Variants in FOXN3 observed in about 807,000 individuals in gnomAD.
FOXN3 encodes the protein forkhead box N3.
In FOXN3, 7 loss-of-function variants were observed where a neutral mutation model predicts 38.4. The ratio of observed to expected loss-of-function variants is 0.18; its 90% CI spans 0.10 to 0.34. The LOEUF is 0.34. Among genes scored for constraint, FOXN3 ranks in the 10% least tolerant of loss-of-function variants. The pLI is 1.00. For synonymous variants in FOXN3, 230 were observed against 242.2 expected (o/e 0.95, Z 0.47); for missense variants, 456 against 613.4 (o/e 0.74, Z 2.71).
chr14:89,380,481 A>T (rs982137205), intron 2 of FOXN3, among the ~76,000 whole-genome samples: 1 of 152,242 alleles, frequency 6.6e-6, no homozygotes, highest in South Asian at 2.1e-4. Flanking sequence ...AACATCAAAC[A>T]GCAGTCAAGC....
At chr14:89,264,448 T>C (rs1024492115) in intron 4 of FOXN3, among the ~76,000 whole-genome samples, 1 of 152,064 alleles carries the variant, frequency 6.6e-6, no homozygotes, top group Non-Finnish European at 1.5e-5. Flanking sequence ...GATTCAATTA[T>C]CTCCCATGGG....
chr14:89,222,339 G>A (rs753782931), intron 4 of FOXN3, among the ~76,000 whole-genome samples: 1 of 152,144 alleles, frequency 6.6e-6, no homozygotes, highest in Non-Finnish European at 1.5e-5. Flanking sequence ...GGAAATACAT[G>A]AAAATTATGC....
In FOXN3 at chr14:89,393,885, A is replaced by C. The variant is rs559313336; in HGVS notation, c.543+18049T>G. On this transcript the variant is annotated intron_variant, in intron 2 of 5. Transcript: ENST00000557258. Reference sequence around the variant, plus strand: ...GTGGGGACAAGGGAAGATCACAAGTACATTTCATAGCCCCCTGACTTCATT... The same window carrying C: ...GTGGGGACAAGGGAAGATCACAAGTCCATTTCATAGCCCCCTGACTTCATT... Among the ~76,000 whole-genome samples, 9 of 152,318 alleles carry C rather than the reference A, an allele frequency of 5.9e-5. No individual in the cohort carries two copies. The South Asian group carries it at 1.9e-3, about 32-fold the overall frequency.
chr14:89,419,671 A>T (rs543464991), upstream of FOXN3: 1 of 153,754 alleles, frequency 6.5e-6, no homozygotes, highest in Non-Finnish European at 1.5e-5. Flanking sequence ...TTCCAGGCTT[A>T]TCTGCCCCCA....
intron 4 of FOXN3, among the ~76,000 whole-genome samples, chr14:89,232,958 C>CA (rs1164720838): frequency 6.6e-6 from 1 of 152,196 alleles, no homozygotes; most frequent in Non-Finnish European, 1.5e-5. Flanking sequence ...ACCCAAGAAA[C>CA]AGTCATAGTA....
intron 3 of FOXN3, among the ~76,000 whole-genome samples, chr14:89,330,265 A>G (rs190126952): frequency 5.8e-4 from 89 of 152,354 alleles, no homozygotes; most frequent in African/African-American, 2.1e-3. Flanking sequence ...CAATGCCCTC[A>G]AATAGAGCCA....
chr14:89,592,705 C>T (rs1895983149), intron 1 of FOXN3, among the ~76,000 whole-genome samples: 1 of 152,174 alleles, frequency 6.6e-6, no homozygotes, highest in Non-Finnish European at 1.5e-5. Context: ...GAAAATTCAC[C>T]TCCTGTGCTC....
At chr14:89,467,005 G>C (rs570853931) in intron 1 of FOXN3, among the ~76,000 whole-genome samples, 3 of 152,222 alleles carry the variant, frequency 2.0e-5, no homozygotes, top group Non-Finnish European at 4.4e-5. Context: ...CAAAAGCAGC[G>C]TTAGCTTTCG....
chr14:89,542,237 T>C (rs975351973), intron 1 of FOXN3, among the ~76,000 whole-genome samples: 1 of 152,220 alleles, frequency 6.6e-6, no homozygotes, highest in African/African-American at 2.4e-5. Context: ...CAAGAATCGA[T>C]ATTATTATCT....
At chr14:89,378,842 G>T (rs1202429373) in intron 2 of FOXN3, among the ~76,000 whole-genome samples, 1 of 152,022 alleles carries the variant, frequency 6.6e-6, no homozygotes, top group Non-Finnish European at 1.5e-5. Context: ...GAGTACCTGG[G>T]ATTACAGGCA....
At chr14:89,316,498 G>A (rs1459302253) in intron 3 of FOXN3, among the ~76,000 whole-genome samples, 1 of 148,788 alleles carries the variant, frequency 6.7e-6, no homozygotes, top group African/African-American at 2.5e-5. Context: ...TAGGACTACA[G>A]ACACGTGTCA....
chr14:89,594,538 T>A (rs1381752978), intron 1 of FOXN3, among the ~76,000 whole-genome samples: 1 of 152,266 alleles, frequency 6.6e-6, no homozygotes, highest in African/African-American at 2.4e-5. Flanking sequence ...TTTAAGACTC[T>A]TGTCCATTTT....
At chr14:89,338,894 A>G (rs1485217094) in intron 3 of FOXN3, among the ~76,000 whole-genome samples, 1 of 152,226 alleles carries the variant, frequency 6.6e-6, no homozygotes, top group Non-Finnish European at 1.5e-5. Flanking sequence ...GAGGAAGGAG[A>G]AATCAAATTC....
intron 1 of FOXN3, among the ~76,000 whole-genome samples, chr14:89,505,426 C>T (rs1369338575): frequency 1.3e-5 from 2 of 152,214 alleles, no homozygotes; most frequent in Admixed American, 6.5e-5. Context: ...AGGCGCGCAC[C>T]GCCACGCCTG....
At chr14:89,479,023 T>C (rs1287408) in intron 1 of FOXN3, among the ~76,000 whole-genome samples, 133,777 of 151,220 alleles carry the variant, frequency 0.88, 59,498 homozygotes, top group East Asian at 0.97. Context: ...GTTCAGACAG[T>C]TTACATTATA....
chr14:89,494,722 A>C (rs969288719), intron 1 of FOXN3, among the ~76,000 whole-genome samples: 2 of 152,230 alleles, frequency 1.3e-5, no homozygotes, highest in African/African-American at 4.8e-5. Flanking sequence ...TCTCCCTTCC[A>C]AGTAGAGCTG....
At chr14:89,589,386 T>C (rs528533379) in intron 1 of FOXN3, among the ~76,000 whole-genome samples, 6 of 152,174 alleles carry the variant, frequency 3.9e-5, no homozygotes, top group Non-Finnish European at 7.4e-5. Context: ...AAATCATTGA[T>C]AAAAGTCAAA....
At chr14:89,203,515 T>C (rs892765521) in intron 4 of FOXN3, among the ~76,000 whole-genome samples, 3 of 152,168 alleles carry the variant, frequency 2.0e-5, no homozygotes, top group African/African-American at 4.8e-5. Flanking sequence ...GCCTGGAGCA[T>C]GTCCCTCCTC....
intron 1 of FOXN3, among the ~76,000 whole-genome samples, chr14:89,528,877 GGA>G (rs1894493734): frequency 6.6e-6 from 1 of 152,136 alleles, no homozygotes; most frequent in Non-Finnish European, 1.5e-5. Flanking sequence ...AGGAATGAAA[GGA>G]GAGATGACAA....
Sources: gnomAD v4.1 joint callset for allele counts (sites outside exome capture counted in the v4.1 genomes callset) on GRCh38, gnomAD v4.1.1 for gene constraint, MANE v1.5 for transcripts, NCBI Gene and HGNC (gene_info 2026-07-23, HGNC 2026-07-21) for gene names.